SSBP3: variants seen among roughly 807,000 people sequenced by gnomAD.
The protein encoded by SSBP3 is single stranded DNA binding protein 3.
SSBP3 carries 5 observed loss-of-function variants against 69.6 expected under a neutral mutation model. That is an observed-to-expected ratio of 0.07 (90% confidence interval 0.04 to 0.15). The LOEUF (loss-of-function observed/expected upper bound fraction) is 0.15, where lower values mean the gene tolerates loss of function less well. Ranked by LOEUF, SSBP3 falls within the 10% of genes least tolerant of loss-of-function variation. SSBP3 has a pLI of 1.00. For synonymous variants in SSBP3, 196 were observed against 193.4 expected, an observed-to-expected ratio of 1.01 and a Z score of -0.11; for missense variants, 312 against 534.0, an observed-to-expected ratio of 0.58 and a Z score of 4.10.
At chr1:54,392,782 G>C (rs985594100) in intron 4 of SSBP3, among the ~76,000 whole-genome samples, 1 of 152,202 alleles carries the variant, frequency 6.6e-6, no homozygotes, top group African/African-American at 2.4e-5. Context: ...GGCAAGTAAA[G>C]TTCCTCCCCT....
intron 9 of SSBP3, among the ~76,000 whole-genome samples, chr1:54,246,798 GAGCGAGT>G (rs1644741897): frequency 6.6e-6 from 1 of 152,240 alleles, no homozygotes; most frequent in Non-Finnish European, 1.5e-5. Context: ...CAGATGTCAG[GAGCGAGT>G]AGCAGGCTGA....
At chr1:54,274,184 T>C (rs960560314) in intron 5 of SSBP3, among the ~76,000 whole-genome samples, 1 of 152,170 alleles carries the variant, frequency 6.6e-6, no homozygotes, top group African/African-American at 2.4e-5. Flanking sequence ...GGGGGTTTTA[T>C]TTCCCCACAG....
At chr1:54,264,821 A>G (rs1040440635) in intron 5 of SSBP3, among the ~76,000 whole-genome samples, 5 of 152,188 alleles carry the variant, frequency 3.3e-5, no homozygotes, top group Non-Finnish European at 7.4e-5. Context: ...GTTAAGAGAT[A>G]AAACACTCCA....
At chr1:54,261,495 G>C (rs575986656) in intron 5 of SSBP3, among the ~76,000 whole-genome samples, 2 of 152,306 alleles carry the variant, frequency 1.3e-5, no homozygotes, top group Non-Finnish European at 2.9e-5. Context: ...TCTCTTCCCC[G>C]AACTCTGAAC....
At chr1:54,353,967 C>T (rs1012582127) in intron 4 of SSBP3, among the ~76,000 whole-genome samples, 1 of 152,124 alleles carries the variant, frequency 6.6e-6, no homozygotes, top group African/African-American at 2.4e-5. Context: ...ACTGACTCCC[C>T]AAATCATACA....
At chr1:54,322,439 T>C (rs1646230132) in intron 4 of SSBP3, among the ~76,000 whole-genome samples, 2 of 152,016 alleles carry the variant, frequency 1.3e-5, no homozygotes, top group South Asian at 2.1e-4. Flanking sequence ...ATCAGAACTT[T>C]TTGGGAGTTC....
At chr1:54,311,172 G>C (rs1413739678) in intron 4 of SSBP3, among the ~76,000 whole-genome samples, 1 of 152,198 alleles carries the variant, frequency 6.6e-6, no homozygotes, top group Non-Finnish European at 1.5e-5. Context: ...CCAGAAGGGG[G>C]CAGCAGAGGG....
At chr1:54,409,605 C>A (rs964028609), upstream of SSBP3, among the ~76,000 whole-genome samples, 1 of 152,124 alleles carries the variant, frequency 6.6e-6, no homozygotes, top group African/African-American at 2.4e-5. Context: ...TAAGGCCACT[C>A]CCTCGGCTCA....
intron 4 of SSBP3, among the ~76,000 whole-genome samples, chr1:54,290,685 T>C (rs1569643930): frequency 6.6e-6 from 1 of 152,174 alleles, no homozygotes; most frequent in Non-Finnish European, 1.5e-5. Context: ...AATTAGTACC[T>C]GGTGAGGGAG....
chr1:54,254,046 G>A (rs1379988547), intron 7 of SSBP3, among the ~76,000 whole-genome samples: 1 of 152,214 alleles, frequency 6.6e-6, no homozygotes, highest in Non-Finnish European at 1.5e-5. Context: ...AAGAAGGTGT[G>A]CAATGACCAA....
At chr1:54,394,771 C>T (rs532544860) in intron 4 of SSBP3, among the ~76,000 whole-genome samples, 1 of 144,430 alleles carries the variant, frequency 6.9e-6, no homozygotes, top group Non-Finnish European at 1.5e-5. Context: ...GGCGCCATCT[C>T]GGCTCACTGC....
intron 4 of SSBP3, among the ~76,000 whole-genome samples, chr1:54,363,259 T>C (rs1208222062): frequency 6.6e-6 from 1 of 152,150 alleles, no homozygotes; most frequent in East Asian, 1.9e-4. Context: ...AACCACACAG[T>C]GCCTTGTTTC....
exon 1 of SSBP3, chr1:54,406,216 G>A (rs1171842368): frequency 4.8e-6 from 2 of 414,152 alleles, no homozygotes; most frequent in East Asian, 4.0e-5. Flanking sequence ...CGTCAGCCCC[G>A]GCCGCGGCCC....
intron 4 of SSBP3, among the ~76,000 whole-genome samples, chr1:54,353,404 T>C (rs1461170189): frequency 6.6e-6 from 1 of 152,200 alleles, no homozygotes; most frequent in African/African-American, 2.4e-5. Flanking sequence ...GCTCCTGCCC[T>C]GTGACTTACA....
At chr1:54,399,989 G>A (rs192726621) in intron 4 of SSBP3, among the ~76,000 whole-genome samples, 78 of 152,278 alleles carry the variant, frequency 5.1e-4, no homozygotes, top group Non-Finnish European at 4.4e-5. Flanking sequence ...CCACACATAT[G>A]AAGTGTAGGC....
intron 4 of SSBP3, among the ~76,000 whole-genome samples, chr1:54,281,818 C>T (rs1012740433): frequency 3.3e-5 from 5 of 151,962 alleles, no homozygotes; most frequent in Admixed American, 1.3e-4. Context: ...ATGGGAGGGC[C>T]GGATGTGGTG....
chr1:54,262,029 T>G lies in SSBP3; in HGVS notation c.367-3880A>C, dbSNP rs779282619. On this transcript the variant is annotated intron_variant, in intron 5 of 17. Transcript: ENST00000610401. ...ACATCTCCTAACTCTACCCCAGGGCTCTCCTCAAAACATCACATTCCCATT... is the reference window on the plus strand; with the variant it reads ...ACATCTCCTAACTCTACCCCAGGGCGCTCCTCAAAACATCACATTCCCATT... 3.5e-4 allele frequency among the ~76,000 whole-genome samples: 54 copies of G among 152,240 alleles called. No homozygotes were observed. In the Middle Eastern group the frequency reaches 0.01, roughly 29 times the overall value.
intron 14 of SSBP3, among the ~76,000 whole-genome samples, chr1:54,229,593 C>T (rs570140287): frequency 6.6e-6 from 1 of 152,282 alleles, no homozygotes; most frequent in South Asian, 2.1e-4. Flanking sequence ...CGATTCTACC[C>T]ACCCACAAGC....
At chr1:54,272,012 T>G (rs1185887866) in intron 5 of SSBP3, among the ~76,000 whole-genome samples, 1 of 152,142 alleles carries the variant, frequency 6.6e-6, no homozygotes, top group Non-Finnish European at 1.5e-5. Context: ...TCAGGTGATC[T>G]GCCCACCTTG....
Sources: gnomAD v4.1 joint callset for allele counts (sites outside exome capture counted in the v4.1 genomes callset) on GRCh38, gnomAD v4.1.1 for gene constraint, MANE v1.5 for transcripts, NCBI Gene and HGNC (gene_info 2026-07-23, HGNC 2026-07-21) for gene names.